Variants in WNK1 observed in about 807,000 individuals in gnomAD.
The protein encoded by WNK1 is WNK lysine deficient protein kinase 1, also known as serine/threonine-protein kinase WNK1.
In WNK1, 38 loss-of-function variants were observed where a neutral mutation model predicts 222.8. That is an observed-to-expected ratio of 0.17 (90% confidence interval 0.13 to 0.22). The LOEUF (loss-of-function observed/expected upper bound fraction) is 0.22, where lower values mean the gene tolerates loss of function less well. Among genes scored for constraint, WNK1 ranks in the 10% least tolerant of loss-of-function variants. The pLI is 1.00. For missense variants in WNK1, 2,348 were observed against 2,918.4 expected (o/e 0.80, Z 4.50); for synonymous variants, 1,090 against 1,092.9 (o/e 1.00, Z 0.05).
Position 910,259 on chromosome 12 carries a change from G to A in WNK1, c.*1467G>A, listed in dbSNP as rs1260086289. 2.0e-5 allele frequency: 3 copies of A among 149,974 alleles called. No individual in the cohort carries two copies. In the East Asian group the frequency reaches 5.9e-4, roughly 30 times the overall value. The allele number at this position is 149,974 out of a possible 1,614,324, so 9.3% of individuals were successfully genotyped here. On this transcript the variant is annotated 3_prime_UTR_variant, in exon 28 of 28. Coordinates refer to ENST00000315939, the MANE Select transcript of WNK1 (RefSeq NM_018979.4). ...CATGTACCATGCATTTCTCAGCTTG[G>A]GGTACTACATTTTGTGGAAAGTTAA...
At chr12:857,698 A>G (rs1227232489) in intron 5 of WNK1, among the ~76,000 whole-genome samples, 1 of 152,214 alleles carries the variant, frequency 6.6e-6, no homozygotes, top group Admixed American at 6.5e-5. Flanking sequence ...GCAAAACATC[A>G]AAATTCCTTG....
At chr12:864,110 G>GTTTT (rs372936466) in intron 8 of WNK1, among the ~76,000 whole-genome samples, 1 of 124,582 alleles carries the variant, frequency 8.0e-6, no homozygotes, top group Non-Finnish European at 1.7e-5. Flanking sequence ...ATTTTTTTAA[G>GTTTT]TTTTTTTTTT....
chr12:800,417 A>G lies in WNK1; in HGVS notation c.760-13225A>G, dbSNP rs183479823. Among the ~76,000 whole-genome samples the G allele has an allele frequency of 3.9e-5, 6 of 152,218 alleles. No individual in the cohort carries two copies. In the East Asian group the frequency reaches 1.2e-3, roughly 29 times the overall value. On this transcript the variant is annotated intron_variant, in intron 1 of 27. Transcript: ENST00000315939. The stretch of plus-strand genomic sequence containing the variant: ...TCTAGCATTCAGGTTTTTTTGCTAT[A>G]TGGGTGTTAATAATTTTTATTTTAA...
At chr12:813,353 C>A (rs1293706904) in intron 1 of WNK1, among the ~76,000 whole-genome samples, 1 of 152,176 alleles carries the variant, frequency 6.6e-6, no homozygotes, top group Admixed American at 6.5e-5. Flanking sequence ...ATGTTCATTT[C>A]CTGACATTAA....
At position 910,028 on chromosome 12, in the gene WNK1, A is replaced by G. The variant is rs910599081; in HGVS notation, c.*1236A>G. On this transcript the variant is annotated 3_prime_UTR_variant, in exon 28 of 28. Coordinates refer to ENST00000315939, the MANE Select transcript of WNK1 (RefSeq NM_018979.4). Reference sequence around the variant, plus strand: ...GAAAGACAAAGACTAAAGAATGAGGAAACAAACGTGATGCCTGGCCAGTGA... The same window carrying G: ...GAAAGACAAAGACTAAAGAATGAGGGAACAAACGTGATGCCTGGCCAGTGA... The G allele has an allele frequency of 2.0e-5, 3 of 152,186 alleles. No homozygotes were observed. Among genetic ancestry groups the G allele is most frequent in the African/African-American group, 7.2e-5 (3 of 41,434 alleles). The allele number at this position is 152,186 out of a possible 1,614,324, so 9.4% of individuals were successfully genotyped here.
At chr12:785,336 G>A (rs1402924281) in intron 1 of WNK1, among the ~76,000 whole-genome samples, 2 of 151,628 alleles carry the variant, frequency 1.3e-5, no homozygotes, top group Non-Finnish European at 2.9e-5. Flanking sequence ...GCCCCTTCCA[G>A]AACTCCTGTT....
intron 1 of WNK1, among the ~76,000 whole-genome samples, chr12:794,432 A>T (rs1245669939): frequency 6.6e-6 from 1 of 151,822 alleles, no homozygotes; most frequent in African/African-American, 2.4e-5. Context: ...GTTAAGCATA[A>T]TGTTAGCTGT....
intron 2 of WNK1, among the ~76,000 whole-genome samples, chr12:819,927 G>A (rs1248658581): frequency 2.0e-5 from 3 of 152,090 alleles, no homozygotes; most frequent in Admixed American, 6.6e-5. Context: ...CTACATGTCT[G>A]TTCTTATGCC....
chr12:780,367 ACTTTT>A (rs1421765140), intron 1 of WNK1, among the ~76,000 whole-genome samples: 2 of 152,212 alleles, frequency 1.3e-5, no homozygotes, highest in East Asian at 1.9e-4. Flanking sequence ...ATTTTGTGGT[ACTTTT>A]CTTCTAAGTT....
intron 22 of WNK1, among the ~76,000 whole-genome samples, chr12:891,867 A>G (rs916717988): frequency 6.6e-6 from 1 of 151,810 alleles, no homozygotes; most frequent in Non-Finnish European, 1.5e-5. Context: ...GTTCCAGGCT[A>G]CAGTGAGCTA....
At position 859,226 on chromosome 12, in the gene WNK1, T is replaced by G. The variant is rs2154064182; in HGVS notation, c.1401-19T>G. Reference sequence around the variant, plus strand: ...TGGTGTTTTATTTTTGTTCCTTTTCTTTTCCCTCTGTTTGGAAGATATTCC... The same window carrying G: ...TGGTGTTTTATTTTTGTTCCTTTTCGTTTCCCTCTGTTTGGAAGATATTCC... On this transcript the variant is annotated intron_variant, in intron 5 of 27. Transcript: ENST00000315939. 1 of 1,592,982 alleles carries G rather than the reference T, an allele frequency of 6.3e-7. No homozygotes were observed. The highest frequency in any genetic ancestry group is 2.2e-5 in the East Asian group (1 of 44,684).
chr12:869,223 C>A, intron 8 of WNK1: 1 of 1,431,738 alleles, frequency 7.0e-7, no homozygotes, highest in Non-Finnish European at 9.8e-7. Context: ...TTAATTTTAT[C>A]AGTAGAGTTT....
intron 20 of WNK1, among the ~76,000 whole-genome samples, 182 bp downstream of exon 20, chr12:887,486 T>A (rs899612133): frequency 6.6e-6 from 1 of 152,270 alleles, no homozygotes; most frequent in African/African-American, 2.4e-5. Flanking sequence ...ATAGCTCTTT[T>A]GTTTGTAATG....
Position 822,087 on chromosome 12 carries a change from C to CTTTTTT in WNK1, c.933-4936_933-4931dup, listed in dbSNP as rs376271992. 1.1e-3 allele frequency among the ~76,000 whole-genome samples: 81 copies of CTTTTTT among 71,460 alleles called. 3 individuals are homozygous for CTTTTTT. The highest frequency in any genetic ancestry group is 2.5e-3 in the East Asian group (5 of 1,980). The allele number at this position is 71,460 out of a possible 152,430, so 46.9% of individuals were successfully genotyped here. ...TGTTTGTTTTCTGTATGTCTTATAC[C>CTTTTTT]TTTTTTTTTTTTTTTTTTTTTTTTG... On this transcript the variant is annotated intron_variant, in intron 2 of 27. Coordinates refer to ENST00000315939, the MANE Select transcript of WNK1 (RefSeq NM_018979.4).
intron 3 of WNK1, 139 bp from the exon 4 acceptor site, chr12:829,864 C>A: frequency 1.2e-6 from 1 of 846,188 alleles, no homozygotes. Context: ...AGATTTCCTT[C>A]CTCTTTTCTC....
chr12:837,572 TAAAAA>T (rs530005542), intron 4 of WNK1, among the ~76,000 whole-genome samples: 14 of 123,660 alleles, frequency 1.1e-4, no homozygotes, highest in East Asian at 2.1e-4. Context: ...AGACCCTGTC[TAAAAA>T]AAAAAAAAAA....
chr12:819,319 A>T (rs535756231), intron 2 of WNK1, among the ~76,000 whole-genome samples: 2 of 152,098 alleles, frequency 1.3e-5, no homozygotes, highest in Non-Finnish European at 2.9e-5. Flanking sequence ...ATGTTCTATG[A>T]TGTACAGATT....
chr12:880,644 TTTTTGCATGTCTTGCTG>T, intron 11 of WNK1, 60 bp from the exon 12 acceptor site: 1 of 1,472,828 alleles, frequency 6.8e-7, no homozygotes, highest in African/African-American at 1.4e-5. Context: ...CTTTTTTTTT[TTTTTGCATGTCTTGCTG>T]TTTTGCTAAT....
intron 5 of WNK1, among the ~76,000 whole-genome samples, chr12:857,663 G>A (rs901649400): frequency 1.1e-4 from 16 of 152,170 alleles, no homozygotes; most frequent in South Asian, 6.2e-4. Flanking sequence ...CTGATTTGCC[G>A]TCCTTACGCC....
Sources: gnomAD v4.1 joint callset for allele counts (sites outside exome capture counted in the v4.1 genomes callset) on GRCh38, gnomAD v4.1.1 for gene constraint, MANE v1.5 for transcripts, NCBI Gene and HGNC (gene_info 2026-07-23, HGNC 2026-07-21) for gene names.